The following KSR2 variants were observed in gnomAD, a reference collection of about 807,000 sequenced individuals.
KSR2 encodes the protein kinase suppressor of ras 2.
In KSR2, 25 loss-of-function variants were observed where a neutral mutation model predicts 107.8. That is an observed-to-expected ratio of 0.23 (90% CI 0.17 to 0.32). The LOEUF (loss-of-function observed/expected upper bound fraction) is 0.32. Among genes scored for constraint, KSR2 ranks in the 10% least tolerant of loss-of-function variants. The pLI, the probability that KSR2 is intolerant of heterozygous loss-of-function variation, is 1.00. For synonymous variants in KSR2, 480 were observed against 507.0 expected (o/e 0.95, Z 0.71); for missense variants, 887 against 1,268.9 (o/e 0.70, Z 4.57).
intron 5 of KSR2, among the ~76,000 whole-genome samples, chr12:117,618,154 T>A (rs1007913997): frequency 6.6e-6 from 1 of 152,182 alleles, no homozygotes; most frequent in Non-Finnish European, 1.5e-5. Flanking sequence ...AAATTTTCCT[T>A]CTGGCAAGCA....
chr12:117,753,759 A>G (rs1190021322), intron 4 of KSR2, among the ~76,000 whole-genome samples: 2 of 151,848 alleles, frequency 1.3e-5, no homozygotes, highest in African/African-American at 4.8e-5. Context: ...AACTCCCATG[A>G]CACAAGTTTA....
In KSR2 at chr12:117,968,366, A is replaced by G; in HGVS notation, c.-111T>C. The G allele has an allele frequency of 7.2e-7, 1 of 1,394,990 alleles. No individual in the cohort carries two copies. Among genetic ancestry groups the G allele is most frequent in the Non-Finnish European group, 9.2e-7 (1 of 1,081,446 alleles). 86.4% of individuals were successfully genotyped at this position (1,394,990 alleles called of 1,614,324 possible). A position where few individuals can be genotyped will look rare whatever the true frequency, so the allele number is the denominator to read the frequency against. ...CTCCAACCACTGCGACTTCTCAACA[A>G]TGTCTCATGAAGAAGAAATCCAACA... On this transcript the variant is annotated 5_prime_UTR_variant, in exon 1 of 20. Coordinates refer to ENST00000339824, the MANE Select transcript of KSR2 (RefSeq NM_173598.6).
At chr12:117,891,431 A>C (rs1193070320) in intron 1 of KSR2, among the ~76,000 whole-genome samples, 1 of 150,426 alleles carries the variant, frequency 6.6e-6, no homozygotes, top group South Asian at 2.1e-4. Context: ...AAAAAAAAGA[A>C]AGAAAAGAAA....
chr12:117,614,575 A>G (rs1881772589), intron 5 of KSR2, among the ~76,000 whole-genome samples: 1 of 152,188 alleles, frequency 6.6e-6, no homozygotes, highest in Non-Finnish European at 1.5e-5. Flanking sequence ...GTAAATGATG[A>G]ATCTGGTTGA....
Position 117,968,914 on chromosome 12 carries a change from C to T in KSR2, c.-659G>A, listed in dbSNP as rs1896875898. 1.2e-5 allele frequency: 3 copies of T among 254,924 alleles called. No individual in the cohort carries two copies. The highest frequency in any genetic ancestry group is 1.1e-4 in the South Asian group (3 of 28,134). 15.8% of individuals were successfully genotyped at this position (254,924 alleles called of 1,614,324 possible). ...CGCGCTGCTGCTGCTGCTGCTGCTG[C>T]CGCCGCCGGGCTCCGGGGGTGACGG... On this transcript the variant is annotated 5_prime_UTR_variant, in exon 1 of 20. Transcript: ENST00000339824.
intron 3 of KSR2, among the ~76,000 whole-genome samples, chr12:117,831,465 C>T (rs7136032): frequency 0.28 from 42,119 of 152,032 alleles, 6,747 homozygotes; most frequent in Middle Eastern, 0.44. Flanking sequence ...GGGGCAGGAA[C>T]GCCAGGCACT....
At chr12:117,932,549 CTACAAAAAAA>C (rs1895722573) in intron 1 of KSR2, among the ~76,000 whole-genome samples, 1 of 152,058 alleles carries the variant, frequency 6.6e-6, no homozygotes, top group Non-Finnish European at 1.5e-5. Flanking sequence ...AACCCTATCT[CTACAAAAAAA>C]TACAAAAAAA....
At chr12:117,707,195 C>G (rs77857304) in intron 4 of KSR2, among the ~76,000 whole-genome samples, 1 of 152,190 alleles carries the variant, frequency 6.6e-6, no homozygotes, top group Non-Finnish European at 1.5e-5. Context: ...TCCACAGAGA[C>G]AGCAGATTAG....
chr12:117,854,850 G>A (rs1014965949), intron 3 of KSR2, among the ~76,000 whole-genome samples: 2 of 150,882 alleles, frequency 1.3e-5, no homozygotes, highest in Non-Finnish European at 2.9e-5. Flanking sequence ...GATAGAACAA[G>A]TCACAGAGGT....
At chr12:117,720,425 GC>G (rs1443862921) in intron 4 of KSR2, among the ~76,000 whole-genome samples, 3 of 152,188 alleles carry the variant, frequency 2.0e-5, no homozygotes, top group Non-Finnish European at 4.4e-5. Flanking sequence ...AACCCTTGAA[GC>G]CCATTAATAG....
At chr12:117,695,074 T>A (rs1273897342) in intron 4 of KSR2, among the ~76,000 whole-genome samples, 2 of 151,950 alleles carry the variant, frequency 1.3e-5, no homozygotes, top group Non-Finnish European at 2.9e-5. Flanking sequence ...TGGTCTCAAT[T>A]TCTTGACCTT....
intron 5 of KSR2, among the ~76,000 whole-genome samples, chr12:117,586,022 G>A (rs1431084773): frequency 6.6e-6 from 1 of 152,226 alleles, no homozygotes; most frequent in African/African-American, 2.4e-5. Flanking sequence ...GCACAGAAGA[G>A]GGAAAAGCCA....
At chr12:117,542,417 T>C (rs1352172303) in intron 9 of KSR2, among the ~76,000 whole-genome samples, 2 of 115,570 alleles carry the variant, frequency 1.7e-5, no homozygotes, top group Non-Finnish European at 3.8e-5. Context: ...ATCTTATGTT[T>C]CCCTTACTCA....
intron 4 of KSR2, among the ~76,000 whole-genome samples, chr12:117,683,022 G>A (rs1446363114): frequency 6.6e-6 from 1 of 152,112 alleles, no homozygotes; most frequent in East Asian, 1.9e-4. Flanking sequence ...CTAAGATGCA[G>A]GCACATATAC....
intron 3 of KSR2, among the ~76,000 whole-genome samples, chr12:117,831,719 G>C (rs774809596): frequency 4.0e-4 from 61 of 152,290 alleles, no homozygotes; most frequent in African/African-American, 1.2e-3. Context: ...CAACCCAAGA[G>C]GTAGGGACAG....
At chr12:117,805,619 A>G (rs1890981873) in intron 3 of KSR2, among the ~76,000 whole-genome samples, 1 of 152,208 alleles carries the variant, frequency 6.6e-6, no homozygotes, top group Non-Finnish European at 1.5e-5. Flanking sequence ...ATTTGCTCAT[A>G]TTTTAGACCC....
chr12:117,849,213 G>C (rs1171619261), intron 3 of KSR2, among the ~76,000 whole-genome samples: 3 of 152,082 alleles, frequency 2.0e-5, no homozygotes, highest in African/African-American at 7.2e-5. Flanking sequence ...CGCTTAGCCT[G>C]CTGCACGTCT....
chr12:117,644,217 G>A (rs77333858), intron 5 of KSR2, among the ~76,000 whole-genome samples: 10,371 of 152,308 alleles, frequency 0.068, 466 homozygotes, highest in Admixed American at 0.12. Context: ...AGCAGGAACA[G>A]CACTGGTGAA....
chr12:117,913,941 C>T (rs978661254), intron 1 of KSR2, among the ~76,000 whole-genome samples: 14 of 152,196 alleles, frequency 9.2e-5, no homozygotes, highest in African/African-American at 2.9e-4. Context: ...CCAACCTCTC[C>T]CATGACTTTT....
Sources: allele counts gnomAD v4.1 joint callset (sites outside exome capture counted in the v4.1 genomes callset), GRCh38; gene constraint gnomAD v4.1.1; transcripts MANE v1.5; gene names NCBI Gene and HGNC (gene_info 2026-07-23, HGNC 2026-07-21).